HCN1: variants seen among roughly 807,000 people sequenced by gnomAD.
HCN1 encodes hyperpolarization activated cyclic nucleotide gated potassium channel 1.
HCN1 carries 13 observed loss-of-function variants against 78.9 expected under a neutral mutation model. That is an observed-to-expected ratio of 0.16 (90% confidence interval 0.11 to 0.26). The LOEUF (loss-of-function observed/expected upper bound fraction) is 0.26, where lower values mean the gene tolerates loss of function less well. HCN1 is among the 10% of genes least tolerant of loss of function. The pLI, the probability that HCN1 is intolerant of heterozygous loss-of-function variation, is 1.00. For synonymous variants in HCN1, 552 were observed against 455.5 expected (o/e 1.21, Z -2.70); for missense variants, 810 against 1,154.3 (o/e 0.70, Z 4.32).
intron 4 of HCN1, among the ~76,000 whole-genome samples, chr5:45,379,177 G>C (rs1383432124): frequency 6.6e-6 from 1 of 152,060 alleles, no homozygotes; most frequent in Non-Finnish European, 1.5e-5. Flanking sequence ...TCTAGTTCTA[G>C]ATGCTTGAGG....
chr5:45,512,208 T>C (rs932343308), intron 2 of HCN1, among the ~76,000 whole-genome samples: 1 of 152,082 alleles, frequency 6.6e-6, no homozygotes, highest in Non-Finnish European at 1.5e-5. Context: ...TAATTCATTT[T>C]ACATATTCCA....
chr5:45,331,734 C>A (rs548716110), intron 5 of HCN1, among the ~76,000 whole-genome samples: 137 of 151,472 alleles, frequency 9.0e-4, no homozygotes, highest in Non-Finnish European at 1.1e-3. Flanking sequence ...ACAGCAAAAC[C>A]AAACTACCCA....
chr5:45,376,451 T>C (rs1747679033), intron 4 of HCN1, among the ~76,000 whole-genome samples: 1 of 149,318 alleles, frequency 6.7e-6, no homozygotes, highest in African/African-American at 2.5e-5. Flanking sequence ...GAAGTTGCCC[T>C]CATCAGACAC....
intron 4 of HCN1, among the ~76,000 whole-genome samples, chr5:45,374,883 T>C (rs1747569843): frequency 6.9e-6 from 1 of 144,864 alleles, no homozygotes. Context: ...CATGGGTATA[T>C]ATATAGAGAG....
intron 2 of HCN1, among the ~76,000 whole-genome samples, chr5:45,522,086 T>C (rs1742624826): frequency 6.6e-6 from 1 of 152,030 alleles, no homozygotes; most frequent in African/African-American, 2.4e-5. Context: ...AATAGTCATG[T>C]ATCTTACCTA....
chr5:45,638,744 A>C, intron 2 of HCN1, among the ~76,000 whole-genome samples: 1 of 152,114 alleles, frequency 6.6e-6, no homozygotes, highest in South Asian at 2.1e-4. Context: ...CTCTACTACA[A>C]ATAGAAAAAT....
intron 2 of HCN1, among the ~76,000 whole-genome samples, chr5:45,521,839 T>C (rs1263722194): frequency 6.6e-6 from 1 of 152,012 alleles, no homozygotes. Context: ...TCACTAATCA[T>C]TAATCAGCTA....
chr5:45,372,413 A>T (rs1747418679), intron 4 of HCN1, among the ~76,000 whole-genome samples: 1 of 120,534 alleles, frequency 8.3e-6, no homozygotes, highest in African/African-American at 3.2e-5. Flanking sequence ...ATATAATTAT[A>T]TAAATATGTA....
chr5:45,331,708 T>A (rs1746347896), intron 5 of HCN1, among the ~76,000 whole-genome samples: 1 of 151,394 alleles, frequency 6.6e-6, no homozygotes, highest in Non-Finnish European at 1.5e-5. Context: ...AAGTAATTTA[T>A]TTGATGATTG....
intron 3 of HCN1, among the ~76,000 whole-genome samples, chr5:45,420,582 T>G (rs1238065031): frequency 6.6e-6 from 1 of 152,164 alleles, no homozygotes; most frequent in Non-Finnish European, 1.5e-5. Context: ...GGAAGTGGCA[T>G]GCCAGCCTTG....
intron 1 of HCN1, among the ~76,000 whole-genome samples, chr5:45,673,119 TTTCA>T (rs1214789735): frequency 6.6e-6 from 1 of 151,454 alleles, no homozygotes; most frequent in African/African-American, 2.4e-5. Context: ...TCTTGATCAC[TTTCA>T]CAGTTTGGGG....
intron 2 of HCN1, among the ~76,000 whole-genome samples, chr5:45,592,248 T>C (rs763435077): frequency 7.9e-5 from 12 of 152,236 alleles, no homozygotes; most frequent in Non-Finnish European, 1.2e-4. Context: ...TCAATTGTTT[T>C]AAGTATTGGA....
chr5:45,262,233 G>T lies in HCN1; in HGVS notation c.2361C>A (p.Ser787=). 1 of 1,614,056 alleles carries T rather than the reference G, an allele frequency of 6.2e-7. No homozygotes were observed. The highest frequency in any genetic ancestry group is 8.5e-7 in the Non-Finnish European group (1 of 1,180,034). ...CATGGGGCAGCGAGGGCTGCGAGGC[G>T]GAGAGTGGCCTGACTTCCCGGGTCA... The part of the protein sequence containing the change: ...TNLTREVRPL[S]ASQPSLPHEV... The change falls in exon 8 of 8, where the codon TCC becomes TCA. Residue 787 remains serine, a synonymous_variant. Coordinates refer to ENST00000303230, the MANE Select transcript of HCN1 (RefSeq NM_021072.4).
intron 2 of HCN1, among the ~76,000 whole-genome samples, chr5:45,550,554 G>A (rs939418986): frequency 4.0e-5 from 6 of 151,740 alleles, no homozygotes; most frequent in African/African-American, 1.2e-4. Flanking sequence ...TAAATGACGA[G>A]TTAATGGGTG....
intron 2 of HCN1, among the ~76,000 whole-genome samples, chr5:45,600,728 C>A (rs1435513417): frequency 2.0e-5 from 3 of 152,050 alleles, no homozygotes; most frequent in Non-Finnish European, 4.4e-5. Context: ...AGGTCTGTGA[C>A]CAATTTAAGA....
chr5:45,424,119 C>CA, intron 3 of HCN1, among the ~76,000 whole-genome samples: 1 of 67,968 alleles, frequency 1.5e-5, no homozygotes, highest in East Asian at 3.7e-4. Flanking sequence ...ACTAAAAATC[C>CA]AAAAAAAAAA....
chr5:45,646,453 C>T (rs1292744964), intron 1 of HCN1, among the ~76,000 whole-genome samples: 2 of 149,892 alleles, frequency 1.3e-5, no homozygotes, highest in Non-Finnish European at 3.0e-5. Flanking sequence ...TCACTGAAAC[C>T]TCCGCCTCCC....
At chr5:45,401,115 G>T (rs2112045047) in intron 3 of HCN1, among the ~76,000 whole-genome samples, 1 of 152,220 alleles carries the variant, frequency 6.6e-6, no homozygotes, top group Non-Finnish European at 1.5e-5. Flanking sequence ...ACACTCCCAA[G>T]AGTGTGATTG....
At chr5:45,580,709 C>A (rs1268269150) in intron 2 of HCN1, among the ~76,000 whole-genome samples, 2 of 152,044 alleles carry the variant, frequency 1.3e-5, no homozygotes, top group Non-Finnish European at 2.9e-5. Flanking sequence ...CCACAACAGG[C>A]CCTGGTGTGT....
Sources: allele counts gnomAD v4.1 joint callset (sites outside exome capture counted in the v4.1 genomes callset), GRCh38; gene constraint gnomAD v4.1.1; transcripts MANE v1.5; gene names NCBI Gene and HGNC (gene_info 2026-07-23, HGNC 2026-07-21).